NNMT: variants seen among roughly 807,000 people sequenced by gnomAD.
NNMT encodes nicotinamide N-methyltransferase.
Under a neutral mutation model 11.7 loss-of-function variants are expected in NNMT, and 10 were observed. The observed-to-expected ratio is 0.85, with a 90% CI of 0.53 to 1.45. The LOEUF (loss-of-function observed/expected upper bound fraction) is 1.45. Ranked by LOEUF, NNMT falls within the 40% of genes most tolerant of loss-of-function variation. NNMT has a pLI of 0.00. For missense variants in NNMT, 381 were observed against 319.4 expected (o/e 1.19, Z -1.47); for synonymous variants, 143 against 133.8 (o/e 1.07, Z -0.48).
chr11:114,293,295 A>G (rs1413030910), upstream of NNMT, among the ~76,000 whole-genome samples: 1 of 152,126 alleles, frequency 6.6e-6, no homozygotes, highest in Non-Finnish European at 1.5e-5. Flanking sequence ...TGCCTGCCAC[A>G]TGCAACTTCT....
intron 2 of NNMT, among the ~76,000 whole-genome samples, chr11:114,311,781 T>A (rs1360000732): frequency 1.3e-5 from 2 of 152,132 alleles, no homozygotes; most frequent in Admixed American, 1.3e-4. Flanking sequence ...TGGAGGGAAG[T>A]CCACGGTAGA....
intron 2 of NNMT, among the ~76,000 whole-genome samples, chr11:114,309,774 C>T (rs979950394): frequency 6.6e-6 from 1 of 152,230 alleles, no homozygotes; most frequent in Non-Finnish European, 1.5e-5. Context: ...TTAGCAGCCA[C>T]TCCCATTTCT....
intron 2 of NNMT, among the ~76,000 whole-genome samples, chr11:114,267,682 T>C (rs1053916357): frequency 1.3e-5 from 2 of 152,214 alleles, no homozygotes; most frequent in African/African-American, 4.8e-5. Context: ...TTTTGTTCCT[T>C]TTCTGTCTTT....
At chr11:114,294,205 A>C (rs1009938929), upstream of NNMT, among the ~76,000 whole-genome samples, 92 of 152,228 alleles carry the variant, frequency 6.0e-4, no homozygotes, top group Non-Finnish European at 1.1e-3. Flanking sequence ...GTTAGAGGCC[A>C]GGCGCAGTGG....
At chr11:114,281,430 C>G (rs1380155046) in intron 2 of NNMT, among the ~76,000 whole-genome samples, 4 of 152,162 alleles carry the variant, frequency 2.6e-5, no homozygotes, top group African/African-American at 7.2e-5. Context: ...TAGAGGAGGT[C>G]CATTAACCTA....
At chr11:114,285,112 C>A (rs1945288834) in intron 2 of NNMT, among the ~76,000 whole-genome samples, 1 of 152,076 alleles carries the variant, frequency 6.6e-6, no homozygotes, top group African/African-American at 2.4e-5. Flanking sequence ...AGAAGCTTGC[C>A]ACCTTACACC....
chr11:114,310,401 T>C (rs1379080824), intron 2 of NNMT, among the ~76,000 whole-genome samples: 1 of 152,250 alleles, frequency 6.6e-6, no homozygotes. Flanking sequence ...GCTCCTTAAA[T>C]GGAAAATTAT....
upstream of NNMT, among the ~76,000 whole-genome samples, chr11:114,292,380 T>C (rs1945341097): frequency 6.6e-6 from 1 of 152,258 alleles, no homozygotes; most frequent in African/African-American, 2.4e-5. Flanking sequence ...TTTTGGTTTG[T>C]ATCGTATTTT....
chr11:114,302,488 A>AT (rs1174782454), intron 2 of NNMT, among the ~76,000 whole-genome samples: 2 of 151,902 alleles, frequency 1.3e-5, no homozygotes, highest in Admixed American at 6.6e-5. Flanking sequence ...CTTGTCATGT[A>AT]TTTTATTTCT....
intron 2 of NNMT, among the ~76,000 whole-genome samples, chr11:114,302,507 C>T (rs896661385): frequency 6.6e-6 from 1 of 152,132 alleles, no homozygotes; most frequent in South Asian, 2.1e-4. Flanking sequence ...CTATGTATAA[C>T]ACTATAATAC....
chr11:114,262,132 T>C (rs987579709), intron 1 of NNMT, among the ~76,000 whole-genome samples: 1 of 152,206 alleles, frequency 6.6e-6, no homozygotes, highest in Non-Finnish European at 1.5e-5. Flanking sequence ...AAACCCATAA[T>C]GGAGGGTCGC....
intron 2 of NNMT, among the ~76,000 whole-genome samples, chr11:114,270,838 G>A (rs536021972): frequency 6.6e-5 from 10 of 151,148 alleles, no homozygotes; most frequent in African/African-American, 2.2e-4. Context: ...GCAGTGGCAG[G>A]ATCTCAGCTC....
chr11:114,268,616 A>T (rs1945142191), intron 2 of NNMT, among the ~76,000 whole-genome samples: 1 of 152,094 alleles, frequency 6.6e-6, no homozygotes, highest in East Asian at 1.9e-4. Context: ...TAAAATACAA[A>T]AAATTAGCTG....
At chr11:114,263,504 T>C (rs1056341127) in intron 2 of NNMT, among the ~76,000 whole-genome samples, 2 of 152,080 alleles carry the variant, frequency 1.3e-5, no homozygotes, top group Non-Finnish European at 2.9e-5. Context: ...ATTTACAACC[T>C]GAAGGGTGCC....
At chr11:114,260,094 G>C (rs1395727225) in intron 1 of NNMT, among the ~76,000 whole-genome samples, 5 of 152,176 alleles carry the variant, frequency 3.3e-5, no homozygotes, top group Non-Finnish European at 5.9e-5. Context: ...TCACCAAGCA[G>C]AGGGGTCTGC....
At chr11:114,282,231 GAACA>G (rs1362185650) in intron 2 of NNMT, among the ~76,000 whole-genome samples, 5 of 151,776 alleles carry the variant, frequency 3.3e-5, no homozygotes, top group South Asian at 4.2e-4. Context: ...CTCAACAAAC[GAACA>G]AACAAATACC....
chr11:114,273,126 G>T (rs891360506), intron 2 of NNMT, among the ~76,000 whole-genome samples: 1 of 152,170 alleles, frequency 6.6e-6, no homozygotes, highest in Non-Finnish European at 1.5e-5. Flanking sequence ...TTCATAATTT[G>T]TGTATTAGAA....
intron 2 of NNMT, among the ~76,000 whole-genome samples, chr11:114,302,414 C>A (rs1945447262): frequency 6.6e-6 from 1 of 152,132 alleles, no homozygotes; most frequent in South Asian, 2.1e-4. Context: ...TCTATTGTCT[C>A]ATGAAGGATG....
At chr11:114,260,811 G>A (rs544610437) in intron 1 of NNMT, among the ~76,000 whole-genome samples, 1 of 152,326 alleles carries the variant, frequency 6.6e-6, no homozygotes, top group East Asian at 1.9e-4. Flanking sequence ...GTGCACCCTA[G>A]AGGAAGAGGG....
Sources: gnomAD v4.1 joint callset for allele counts (sites outside exome capture counted in the v4.1 genomes callset) on GRCh38, gnomAD v4.1.1 for gene constraint, MANE v1.5 for transcripts, NCBI Gene and HGNC (gene_info 2026-07-23, HGNC 2026-07-21) for gene names.